KLHL24: variants seen among roughly 807,000 people sequenced by gnomAD.
The protein encoded by KLHL24 is kelch like family member 24.
A neutral mutation model predicts 53.4 loss-of-function variants in KLHL24; 29 were observed. That is an observed-to-expected ratio of 0.54 (90% CI 0.40 to 0.74). The LOEUF is 0.74. KLHL24 is among the 30% of genes least tolerant of loss of function. The probability of loss-of-function intolerance (pLI) is 0.00; values close to 1 mark genes in which losing one functional copy is unlikely to be tolerated. For missense variants in KLHL24, 504 were observed against 744.0 expected (o/e 0.68, Z 3.75); for synonymous variants, 222 against 253.7 (o/e 0.88, Z 1.19).
intron 5 of KLHL24, among the ~76,000 whole-genome samples, chr3:183,670,663 C>A (rs1370577864): frequency 6.6e-6 from 1 of 152,078 alleles, no homozygotes; most frequent in Non-Finnish European, 1.5e-5. Context: ...GTACCATTCT[C>A]AGTGTGAGCA....
chr3:183,666,311 G>C (rs539679299), intron 5 of KLHL24, among the ~76,000 whole-genome samples: 1 of 152,204 alleles, frequency 6.6e-6, no homozygotes, highest in African/African-American at 2.4e-5. Flanking sequence ...GCCCAGGCTG[G>C]AGTACAGTGG....
intron 3 of KLHL24, among the ~76,000 whole-genome samples, chr3:183,662,066 T>C (rs1719877382): frequency 1.3e-5 from 2 of 152,194 alleles, no homozygotes; most frequent in African/African-American, 4.8e-5. Flanking sequence ...TGGAAAATAG[T>C]AAATATTACT....
chr3:183,666,685 C>T (rs1363934081), intron 5 of KLHL24, among the ~76,000 whole-genome samples: 2 of 152,160 alleles, frequency 1.3e-5, no homozygotes, highest in African/African-American at 2.4e-5. Context: ...AATGTCATCA[C>T]TCATAAAGTT....
chr3:183,667,286 C>T (rs1720702002), intron 5 of KLHL24, among the ~76,000 whole-genome samples: 7 of 152,130 alleles, frequency 4.6e-5, no homozygotes, highest in South Asian at 4.1e-4. Context: ...CATGGTGGTC[C>T]GCACCGGTAG....
At chr3:183,639,855 A>AACAG (rs1716086171) in intron 1 of KLHL24, among the ~76,000 whole-genome samples, 1 of 145,978 alleles carries the variant, frequency 6.9e-6, no homozygotes, top group Admixed American at 6.7e-5. Context: ...AAACCAAACA[A>AACAG]ACAAACAAAC....
rs549181113 is a variant in KLHL24, at chr3:183,653,055, CTTAA to C, written c.920+1783_920+1786del. 9.1e-4 allele frequency among the ~76,000 whole-genome samples: 138 copies of C among 152,324 alleles called. 1 individual carries two copies. The highest frequency in any genetic ancestry group is 2.3e-3 in the African/African-American group (95 of 41,556). On this transcript the variant is annotated intron_variant, in intron 3 of 7. Transcript: ENST00000242810. ...TTGAAGAGATACTTCTCCTAACTTA[CTTAA>C]TTATTTGATTTCCAAAAATGTATTT...
intron 1 of KLHL24, among the ~76,000 whole-genome samples, chr3:183,637,508 A>G (rs930402623): frequency 6.6e-6 from 1 of 152,230 alleles, no homozygotes; most frequent in East Asian, 1.9e-4. Flanking sequence ...GCTGACGGTA[A>G]TAAAATCTTC....
At position 183,683,756 on chromosome 3, in the gene KLHL24, ATTTG is replaced by A. The variant is rs1479822186; in HGVS notation, c.*4474_*4477del. 6.6e-6 allele frequency: 1 copy of A among 152,574 alleles called. No homozygotes were observed. The highest frequency in any genetic ancestry group is 6.5e-5 in the Admixed American group (1 of 15,268). The allele number at this position is 152,574 out of a possible 1,614,324, so 9.5% of individuals were successfully genotyped here. On this transcript the variant is annotated 3_prime_UTR_variant, in exon 8 of 8. Coordinates refer to ENST00000242810, the MANE Select transcript of KLHL24 (RefSeq NM_017644.3). ...ATGGTTTCAAAATAACTGCACCTGA[ATTTG>A]TTTATGTGCCTTAAGTTCTCTAGTG...
At chr3:183,646,370 A>T (rs2108780568) in intron 2 of KLHL24, among the ~76,000 whole-genome samples, 1 of 151,716 alleles carries the variant, frequency 6.6e-6, no homozygotes, top group South Asian at 2.1e-4. Context: ...TCAAAAAAAA[A>T]AAAAAAAAAA....
chr3:183,678,442 C>T (rs1674185294), intron 7 of KLHL24, among the ~76,000 whole-genome samples: 1 of 152,154 alleles, frequency 6.6e-6, no homozygotes, highest in South Asian at 2.1e-4. Context: ...GCTTAACTAC[C>T]ATTAAGTTAA....
At chr3:183,646,050 G>GTGTTTTTTTT (rs1553834051) in intron 2 of KLHL24, among the ~76,000 whole-genome samples, 1 of 143,592 alleles carries the variant, frequency 7.0e-6, no homozygotes, top group Non-Finnish European at 1.5e-5. Context: ...TGGGTTTTTT[G>GTGTTTTTTTT]TTTTGTTTTT....
At chr3:183,636,741 AG>A (rs1390837207) in intron 1 of KLHL24, 1 of 152,054 alleles carries the variant, frequency 6.6e-6, no homozygotes, top group Non-Finnish European at 1.5e-5. Flanking sequence ...GCCCCCTTGA[AG>A]GTGATCTGGA....
intron 1 of KLHL24, among the ~76,000 whole-genome samples, chr3:183,641,309 A>C (rs964725410): frequency 2.0e-5 from 3 of 152,040 alleles, no homozygotes; most frequent in Admixed American, 6.6e-5. Flanking sequence ...CCTGGCCAAC[A>C]TGGTGAAACC....
intron 1 of KLHL24, among the ~76,000 whole-genome samples, chr3:183,637,240 G>C (rs1715446292): frequency 6.6e-6 from 1 of 152,160 alleles, no homozygotes. Context: ...TAAGAGGTTG[G>C]TTTTTATTAG....
intron 2 of KLHL24, among the ~76,000 whole-genome samples, chr3:183,644,759 T>A (rs1386105554): frequency 6.6e-6 from 1 of 152,204 alleles, no homozygotes; most frequent in Non-Finnish European, 1.5e-5. Flanking sequence ...TTCTCAAATT[T>A]ATCTAATAAA....
Position 183,651,069 on chromosome 3 carries a change from A to G in KLHL24, c.713A>G (p.Tyr238Cys), listed in dbSNP as rs754380142. The part of the protein sequence containing the change: ...MVFEAVMRWV[Y>C]RAVDLRRPLL... ...TTTGAAGCCGTCATGCGTTGGGTCT[A>G]TCGTGCCGTTGATCTGAGAAGACCA... is the stretch of plus-strand genomic sequence containing the variant. Residue 238 changes from tyrosine (Y) to cysteine (C), a missense_variant, in exon 3 of 8, where the codon TAT becomes TGT. Tyr to Cys is a radical substitution (Grantham distance 194). Transcript: ENST00000242810. 47 of 1,614,086 alleles carry G rather than the reference A, an allele frequency of 2.9e-5. No homozygotes were observed. The highest frequency in any genetic ancestry group is 1.6e-4 in the Middle Eastern group (1 of 6,084).
chr3:183,646,866 G>C (rs1156904260), intron 2 of KLHL24, among the ~76,000 whole-genome samples: 1 of 151,944 alleles, frequency 6.6e-6, no homozygotes, highest in Non-Finnish European at 1.5e-5. Context: ...CTGGAGTGCA[G>C]TGGCGCGATC....
At chr3:183,644,366 G>A (rs1206874978) in intron 2 of KLHL24, among the ~76,000 whole-genome samples, 2 of 152,142 alleles carry the variant, frequency 1.3e-5, no homozygotes, top group African/African-American at 4.8e-5. Context: ...TACATAGGAA[G>A]TGTTTACATT....
chr3:183,660,134 T>TC (rs1367319311), intron 3 of KLHL24, among the ~76,000 whole-genome samples: 1 of 67,718 alleles, frequency 1.5e-5, no homozygotes, highest in African/African-American at 9.1e-5. Flanking sequence ...TTTCTTTCTT[T>TC]TTTTTTTTTT....
Sources: gnomAD v4.1 joint callset for allele counts (sites outside exome capture counted in the v4.1 genomes callset) on GRCh38, gnomAD v4.1.1 for gene constraint, MANE v1.5 for transcripts, NCBI Gene and HGNC (gene_info 2026-07-23, HGNC 2026-07-21) for gene names.